The following ZAN variants were observed in gnomAD, a reference collection of about 807,000 sequenced individuals.
The protein encoded by ZAN is zonadhesin, also known as zonadhesin (gene/pseudogene).
A neutral mutation model predicts 286.2 loss-of-function variants in ZAN; 260 were observed. The observed-to-expected ratio is 0.91, with a 90% CI of 0.82 to 1.01. ZAN has a LOEUF of 1.01. ZAN is among the 50% of genes least tolerant of loss of function. The pLI, the probability that ZAN is intolerant of heterozygous loss-of-function variation, is 0.00. For synonymous variants in ZAN, 1,368 were observed against 1,417.5 expected (o/e 0.97, Z 0.79); for missense variants, 3,410 against 3,639.2 (o/e 0.94, Z 1.62).
chr7:100,792,180 GC>G (rs768449692), intron 41 of ZAN, 32 bp downstream of exon 41: 2 of 1,564,074 alleles, frequency 1.3e-6, no homozygotes, highest in Non-Finnish European at 1.7e-6. Flanking sequence ...TGTGGGAATG[GC>G]CCAGGTGCCT....
In ZAN at chr7:100,797,354, C is replaced by T. The variant is rs989154629; in HGVS notation, c.8267-12C>T. The T allele has an allele frequency of 8.1e-6, 13 of 1,613,106 alleles. No individual in the cohort carries two copies. The highest frequency in any genetic ancestry group is 4.0e-5 in the African/African-American group (3 of 74,872). On this transcript the variant is annotated splice_polypyrimidine_tract_variant and intron_variant, in intron 45 of 47. Transcript: ENST00000613979. Reference sequence around the variant, plus strand: ...CACGTTCGACCTAATGTCTCTTCCCCGCACCCAGAAGCATCTAACCTGGTG... The same window carrying T: ...CACGTTCGACCTAATGTCTCTTCCCTGCACCCAGAAGCATCTAACCTGGTG...
chr7:100,751,700 T>C lies in ZAN; in HGVS notation c.1607-12T>C. The C allele has an allele frequency of 1.9e-6, 3 of 1,568,292 alleles. No individual in the cohort carries two copies. The highest frequency in any genetic ancestry group is 2.6e-6 in the Non-Finnish European group (3 of 1,164,350). On this transcript the variant is annotated splice_polypyrimidine_tract_variant and intron_variant, in intron 13 of 47. Coordinates refer to ENST00000613979, the MANE Select transcript of ZAN (RefSeq NM_003386.3). ...TTGACTAAACTCCAGGGATTCTTATTTTTCTTTGCAGTAAAAGTGCTACCA... is the reference window on the plus strand; with the variant it reads ...TTGACTAAACTCCAGGGATTCTTATCTTTCTTTGCAGTAAAAGTGCTACCA...
At chr7:100,755,885 T>TTTTTA (rs1355498651) in intron 15 of ZAN, among the ~76,000 whole-genome samples, 6 of 152,080 alleles carry the variant, frequency 3.9e-5, no homozygotes, top group African/African-American at 1.4e-4. Flanking sequence ...CACATTTCTT[T>TTTTTA]TTTTATTTTA....
rs542293543 is a variant in ZAN at position 100,776,080 on chromosome 7, G to A, written c.6192+247G>A. 1.1e-3 allele frequency among the ~76,000 whole-genome samples: 163 copies of A among 152,134 alleles called. 1 individual carries two copies. The highest frequency in any genetic ancestry group is 3.1e-3 in the African/African-American group (127 of 41,540). On this transcript the variant is annotated intron_variant, in intron 33 of 47. Coordinates refer to ENST00000613979, the MANE Select transcript of ZAN (RefSeq NM_003386.3). ...TGTAATCTCAGCACTCTGGGAGGCC[G>A]AGGCAGGTGGGTCACCTGAGGTCAG...
chr7:100,757,352 C>A (rs1809219351), intron 15 of ZAN, among the ~76,000 whole-genome samples: 1 of 151,420 alleles, frequency 6.6e-6, no homozygotes. Context: ...GGTCCTTGCC[C>A]TCATAATGCC....
Position 100,762,316 on chromosome 7 carries a change from A to T in ZAN, c.3944A>T (p.Glu1315Val). Reference sequence around the variant, plus strand: ...GGCAGCCCAGCAGGAGACAAGGAGGAGCTGGGGAACAGCTGGCAGACGGAC... The same window carrying T: ...GGCAGCCCAGCAGGAGACAAGGAGGTGCTGGGGAACAGCTGGCAGACGGAC... ...LDGSPAGDKE[E>V]LGNSWQTDQD... is the part of the protein sequence containing the mutation. The change falls in exon 20 of 48, where the codon GAG becomes GTG. Residue 1315 changes from glutamate to valine, a missense_variant. By Grantham distance (121) the Glu-to-Val change is moderately radical (BLOSUM62 -2). Around this residue, in one of 7 missense-constraint regions of ZAN, gnomAD observed 1,042 missense variants for 1,058.0 expected, o/e 0.98. Transcript: ENST00000613979. The T allele has an allele frequency of 6.2e-7, 1 of 1,610,500 alleles. No homozygotes were observed. Among genetic ancestry groups the T allele is most frequent in the Non-Finnish European group, 8.5e-7 (1 of 1,177,926 alleles).
chr7:100,765,676 G>C (rs1052709392), intron 23 of ZAN, 122 bp downstream of exon 23: 7 of 1,278,108 alleles, frequency 5.5e-6, no homozygotes, highest in East Asian at 2.5e-5. Flanking sequence ...TTGAGACGGA[G>C]TTTTGCTCTG....
intron 28 of ZAN, 101 bp from the exon 29 acceptor site, chr7:100,771,743 G>T: frequency 7.5e-7 from 1 of 1,329,090 alleles, no homozygotes; most frequent in South Asian, 1.4e-5. Context: ...GAAAATCCAG[G>T]TTTTGACTGA....
chr7:100,749,368 C>T (rs80134657), intron 11 of ZAN, among the ~76,000 whole-genome samples: 3,487 of 150,652 alleles, frequency 0.023, 42 homozygotes, highest in Non-Finnish European at 0.037. Context: ...AGGCTGGGCG[C>T]AGTGGCTCAC....
chr7:100,758,478 C>T, intron 16 of ZAN, 53 bp from the exon 17 acceptor site: 2 of 1,553,862 alleles, frequency 1.3e-6, no homozygotes, highest in Middle Eastern at 1.7e-4. Context: ...ATGTGCGGTC[C>T]AGCCTGGAGG....
intron 40 of ZAN, among the ~76,000 whole-genome samples, chr7:100,791,448 C>T (rs1448353506): frequency 6.6e-6 from 1 of 152,038 alleles, no homozygotes; most frequent in Non-Finnish European, 1.5e-5. Context: ...CCTCTGTCAC[C>T]CAGGCTGGAG....
intron 46 of ZAN, 29 bp downstream of exon 46, chr7:100,797,494 CG>C (rs1562962778): frequency 6.4e-7 from 1 of 1,564,302 alleles, no homozygotes; most frequent in South Asian, 1.1e-5. Flanking sequence ...AGAGGAAGGG[CG>C]GGTGGGGTGT....
Position 100,793,800 on chromosome 7 carries a change from G to T in ZAN, c.7788-20G>T. On this transcript the variant is annotated intron_variant, in intron 42 of 47. Transcript: ENST00000613979. ...GCCTGCCCAGCCCCAGCCAGTTTCT[G>T]ACCATGACTGTCCCCGCAGCCATGG... 2 of 1,564,182 alleles carry T rather than the reference G, an allele frequency of 1.3e-6. No homozygotes were observed. The highest frequency in any genetic ancestry group is 2.4e-5 in the South Asian group (2 of 82,190).
At chr7:100,780,647 T>G (rs1811137011) in intron 35 of ZAN, among the ~76,000 whole-genome samples, 1 of 104,340 alleles carries the variant, frequency 9.6e-6, no homozygotes, top group African/African-American at 3.0e-5. Context: ...GGTGACAGAG[T>G]GAGACTCTCA....
chr7:100,756,824 A>C (rs551262057), intron 15 of ZAN, among the ~76,000 whole-genome samples: 1 of 151,976 alleles, frequency 6.6e-6, no homozygotes, highest in South Asian at 2.1e-4. Context: ...GCTGGAGTGC[A>C]ATGGTGCCAT....
At position 100,752,421 on chromosome 7, in the gene ZAN, A is replaced by G. The variant is rs373302990; in HGVS notation, c.2316A>G (p.Lys772=). ...PTEKPTISPE[K]LTIPTEKPTI... Reference sequence around the variant, plus strand: ...AAAAACCCACCATCTCCCCAGAAAAACTCACCATCCCCACAGAAAAACCCA... The same window carrying G: ...AAAAACCCACCATCTCCCCAGAAAAGCTCACCATCCCCACAGAAAAACCCA... The change falls in exon 14 of 48, where the codon AAA becomes AAG. Residue 772 remains lysine, a synonymous_variant. Coordinates refer to ENST00000613979, the MANE Select transcript of ZAN (RefSeq NM_003386.3). 101 of 1,556,922 alleles carry G rather than the reference A, an allele frequency of 6.5e-5. No homozygotes were observed. The African/African-American group carries it at 1.3e-3, about 21-fold the overall frequency.
rs974331367 is a variant in ZAN at position 100,785,742 on chromosome 7, T to C, written c.6835-255T>C. ...GGTGCGATCTTGGCTCACTGCAACC[T>C]CTGCCTCCTGGGTTCAAGCAATTCT... is the stretch of plus-strand genomic sequence containing the variant. On this transcript the variant is annotated intron_variant, in intron 36 of 47. Coordinates refer to ENST00000613979, the MANE Select transcript of ZAN (RefSeq NM_003386.3). 3.3e-5 allele frequency among the ~76,000 whole-genome samples: 5 copies of C among 151,376 alleles called. No individual in the cohort carries two copies. In the Admixed American group the frequency reaches 3.3e-4, roughly 10 times the overall value.
Position 100,790,376 on chromosome 7 carries a change from C to T in ZAN, c.7358-566C>T, listed in dbSNP as rs188939385. Among the ~76,000 whole-genome samples the T allele has an allele frequency of 2.6e-4, 39 of 150,508 alleles. No homozygotes were observed. The Admixed American group carries it at 2.6e-3, about 10-fold the overall frequency. On this transcript the variant is annotated intron_variant, in intron 39 of 47. Coordinates refer to ENST00000613979, the MANE Select transcript of ZAN (RefSeq NM_003386.3). ...AGGAGATCGAGACCATCCTGGCTAACACGGTGAGACCCTGTCTCTACTGAA... is the reference window on the plus strand; with the variant it reads ...AGGAGATCGAGACCATCCTGGCTAATACGGTGAGACCCTGTCTCTACTGAA...
intron 22 of ZAN, 134 bp downstream of exon 22, chr7:100,764,330 A>G: frequency 1.8e-6 from 2 of 1,121,212 alleles, no homozygotes; most frequent in South Asian, 1.9e-5. Context: ...CCCCGTCTCT[A>G]CTAAACATAC....
Sources: gnomAD v4.1 joint callset for allele counts (sites outside exome capture counted in the v4.1 genomes callset) on GRCh38, gnomAD v4.1.1 for gene constraint, gnomAD v4.1.1 regional missense constraint, MANE v1.5 for transcripts, NCBI Gene and HGNC (gene_info 2026-07-23, HGNC 2026-07-21) for gene names.